ZNF407: variants seen among roughly 807,000 people sequenced by gnomAD.
The protein encoded by ZNF407 is zinc finger protein 407.
Under a neutral mutation model 131.2 loss-of-function variants are expected in ZNF407, and 17 were observed. That is an observed-to-expected ratio of 0.13 (90% CI 0.09 to 0.19). ZNF407 has a LOEUF of 0.19. Among genes scored for constraint, ZNF407 ranks in the 10% least tolerant of loss-of-function variants. ZNF407 has a pLI of 1.00. For missense variants in ZNF407, 2,681 were observed against 2,830.6 expected (o/e 0.95, Z 1.20); for synonymous variants, 1,156 against 1,062.0 (o/e 1.09, Z -1.72).
At chr18:74,793,932 C>A (rs1233324705) in intron 4 of ZNF407, among the ~76,000 whole-genome samples, 1 of 152,206 alleles carries the variant, frequency 6.6e-6, no homozygotes, top group Non-Finnish European at 1.5e-5. Context: ...TTTCAGGCAG[C>A]TGACTTGCCC....
chr18:75,013,984 C>T lies in ZNF407; in HGVS notation c.5429-49166C>T, dbSNP rs568712954. The stretch of plus-strand genomic sequence containing the variant: ...TCTGTCACCAAAAAGTCTTAAGATC[C>T]TATAGTCAAATCCTATAGAAGCTTT... On this transcript the variant is annotated intron_variant, in intron 8 of 8. Coordinates refer to ENST00000299687, the MANE Select transcript of ZNF407 (RefSeq NM_017757.3). 4.6e-4 allele frequency among the ~76,000 whole-genome samples: 70 copies of T among 152,088 alleles called. 1 individual carries two copies. The highest frequency in any genetic ancestry group is 1.5e-3 in the African/African-American group (63 of 41,492).
chr18:74,721,516 G>T (rs940408214), intron 3 of ZNF407, among the ~76,000 whole-genome samples: 1 of 152,180 alleles, frequency 6.6e-6, no homozygotes, highest in African/African-American at 2.4e-5. Flanking sequence ...AAAAAATCTT[G>T]TAGAATGTAT....
chr18:75,054,132 A>T (rs1973534006), intron 8 of ZNF407, among the ~76,000 whole-genome samples: 1 of 152,234 alleles, frequency 6.6e-6, no homozygotes, highest in South Asian at 2.1e-4. Context: ...CATATGATTC[A>T]TTTTAAGGCA....
intron 8 of ZNF407, among the ~76,000 whole-genome samples, chr18:75,052,019 G>A (rs574620964): frequency 2.0e-5 from 3 of 152,280 alleles, no homozygotes; most frequent in Admixed American, 1.3e-4. Flanking sequence ...TCGCACTCAG[G>A]AGAGGCTCTG....
chr18:74,712,179 A>T (rs1280927851), intron 3 of ZNF407, among the ~76,000 whole-genome samples: 1 of 152,156 alleles, frequency 6.6e-6, no homozygotes, highest in Non-Finnish European at 1.5e-5. Flanking sequence ...ACAAGGTCCA[A>T]ATTTAAAATG....
intron 3 of ZNF407, among the ~76,000 whole-genome samples, chr18:74,691,745 T>C (rs1197430667): frequency 6.6e-6 from 1 of 152,138 alleles, no homozygotes; most frequent in Non-Finnish European, 1.5e-5. Context: ...TCTTGCTGTT[T>C]TGGGTGTTGT....
intron 8 of ZNF407, among the ~76,000 whole-genome samples, chr18:75,032,957 AG>A (rs1973261186): frequency 7.4e-6 from 1 of 135,150 alleles, no homozygotes; most frequent in African/African-American, 2.9e-5. Flanking sequence ...TAGTTAACTA[AG>A]AGTGCTCGGA....
chr18:74,785,111 G>A (rs1969678494), intron 4 of ZNF407, among the ~76,000 whole-genome samples: 1 of 152,224 alleles, frequency 6.6e-6, no homozygotes, highest in African/African-American at 2.4e-5. Flanking sequence ...GTGTCATAAA[G>A]TATAAGCGTT....
chr18:74,860,184 G>A (rs1389047445), intron 4 of ZNF407, among the ~76,000 whole-genome samples: 1 of 152,024 alleles, frequency 6.6e-6, no homozygotes, highest in African/African-American at 2.4e-5. Flanking sequence ...GTGCGTGCCT[G>A]TGAACCTAGC....
intron 4 of ZNF407, among the ~76,000 whole-genome samples, chr18:74,828,330 G>A (rs371860742): frequency 6.6e-5 from 10 of 152,310 alleles, no homozygotes; most frequent in African/African-American, 1.9e-4. Context: ...CTCAACAAGA[G>A]CAAAGGCTGC....
chr18:74,998,135 G>A (rs997487300), intron 8 of ZNF407, among the ~76,000 whole-genome samples: 1 of 152,202 alleles, frequency 6.6e-6, no homozygotes, highest in African/African-American at 2.4e-5. Context: ...TTTGAACACA[G>A]GCCTTCAGCT....
intron 8 of ZNF407, among the ~76,000 whole-genome samples, chr18:74,955,767 A>G (rs1308749653): frequency 2.0e-5 from 3 of 152,210 alleles, no homozygotes; most frequent in African/African-American, 4.8e-5. Flanking sequence ...GGATCTGCAC[A>G]TTCTCGACAC....
rs1463665788 is a variant in ZNF407, at chr18:74,632,577, C to A, written c.1558C>A (p.Pro520Thr). The change falls in exon 2 of 9, where the codon CCA becomes ACA. Residue 520 changes from proline (P) to threonine (T), a missense_variant. By Grantham distance (38) the Pro-to-Thr change is conservative (BLOSUM62 -1). Coordinates refer to ENST00000299687, the MANE Select transcript of ZNF407 (RefSeq NM_017757.3). ...CGGGCTGCATTCCCTGACAGTGAAGCCAGCTTCTGGCTCTCAGACGTTGTG... is the reference window on the plus strand; with the variant it reads ...CGGGCTGCATTCCCTGACAGTGAAGACAGCTTCTGGCTCTCAGACGTTGTG... Reference protein sequence around the residue: ...DSGLHSLTVKPASGSQTLCAC... With the variant: ...DSGLHSLTVKTASGSQTLCAC... 2 of 1,613,882 alleles carry A rather than the reference C, an allele frequency of 1.2e-6. No homozygotes were observed. The highest frequency in any genetic ancestry group is 1.7e-6 in the Non-Finnish European group (2 of 1,179,912).
chr18:74,627,199 A>G (rs1359876261), intron 1 of ZNF407, among the ~76,000 whole-genome samples: 5 of 151,984 alleles, frequency 3.3e-5, no homozygotes, highest in Admixed American at 2.0e-4. Context: ...AGTCCCTGTG[A>G]TCTTGACCAG....
intron 4 of ZNF407, among the ~76,000 whole-genome samples, chr18:74,795,204 G>GA (rs1969896944): frequency 6.6e-6 from 1 of 152,108 alleles, no homozygotes; most frequent in South Asian, 2.1e-4. Flanking sequence ...CATTTATTAT[G>GA]AAGAAATGTG....
At chr18:74,788,733 G>T (rs967637462) in intron 4 of ZNF407, among the ~76,000 whole-genome samples, 1 of 149,752 alleles carries the variant, frequency 6.7e-6, no homozygotes, top group African/African-American at 2.4e-5. Flanking sequence ...GTTTCTTATT[G>T]CTTCTAAGAT....
At chr18:74,892,320 G>A (rs554946587) in intron 7 of ZNF407, among the ~76,000 whole-genome samples, 9 of 152,244 alleles carry the variant, frequency 5.9e-5, no homozygotes, top group Non-Finnish European at 1.2e-4. Context: ...GTGGGACCGC[G>A]GTCAAACTAT....
At chr18:75,021,472 G>A (rs149985098) in intron 8 of ZNF407, among the ~76,000 whole-genome samples, 1,594 of 151,948 alleles carry the variant, frequency 0.01, 29 homozygotes, top group African/African-American at 0.036. Flanking sequence ...GTCTCACTGC[G>A]TTAGCCAGGC....
chr18:74,670,502 T>A (rs1188245678), intron 3 of ZNF407, among the ~76,000 whole-genome samples: 1 of 152,186 alleles, frequency 6.6e-6, no homozygotes, highest in Non-Finnish European at 1.5e-5. Flanking sequence ...CTTTTAAGAC[T>A]AGTGAATACA....
Sources: gnomAD v4.1 joint callset for allele counts (sites outside exome capture counted in the v4.1 genomes callset) on GRCh38, gnomAD v4.1.1 for gene constraint, MANE v1.5 for transcripts, NCBI Gene and HGNC (gene_info 2026-07-23, HGNC 2026-07-21) for gene names.